Variants in COL25A1 observed in about 807,000 individuals in gnomAD.
COL25A1 encodes collagen alpha-1(XXV) chain.
COL25A1 carries 103 observed loss-of-function variants against 128.4 expected under a neutral mutation model. That is an observed-to-expected ratio of 0.80 (90% CI 0.68 to 0.94). COL25A1 has a LOEUF of 0.94. Ranked by LOEUF, COL25A1 falls within the 40% of genes least tolerant of loss-of-function variation. COL25A1 has a pLI of 0.00. For synonymous variants in COL25A1, 279 were observed against 277.2 expected (o/e 1.01, Z -0.06); for missense variants, 745 against 840.0 (o/e 0.89, Z 1.40).
intron 35 of COL25A1, among the ~76,000 whole-genome samples, chr4:108,821,700 C>T (rs180891960): frequency 6.6e-6 from 1 of 152,284 alleles, no homozygotes; most frequent in East Asian, 1.9e-4. Flanking sequence ...GAAAGAAACA[C>T]TACAGTATGA....
chr4:109,014,830 A>G (rs1757066280), intron 5 of COL25A1, among the ~76,000 whole-genome samples: 1 of 152,250 alleles, frequency 6.6e-6, no homozygotes, highest in South Asian at 2.1e-4. Context: ...AACAAAGCAT[A>G]CAATGTAACA....
intron 3 of COL25A1, among the ~76,000 whole-genome samples, chr4:109,127,641 T>C (rs556654158): frequency 1.5e-4 from 23 of 152,176 alleles, no homozygotes; most frequent in African/African-American, 5.5e-4. Flanking sequence ...CAAGTTACTT[T>C]CTGAGCTTTA....
intron 19 of COL25A1, among the ~76,000 whole-genome samples, chr4:108,873,813 G>A (rs905561449): frequency 4.6e-5 from 7 of 151,930 alleles, no homozygotes; most frequent in Non-Finnish European, 8.8e-5. Context: ...ACATCAGAAC[G>A]GTGTAAGATA....
At chr4:108,824,088 T>C in intron 35 of COL25A1, 86 bp downstream of exon 35, 1 of 1,613,632 alleles carries the variant, frequency 6.2e-7, no homozygotes, top group Non-Finnish European at 8.5e-7. Context: ...AAAGATTAAG[T>C]GTCAAATGGA....
At chr4:109,200,184 C>A (rs1237104804) in intron 3 of COL25A1, among the ~76,000 whole-genome samples, 1 of 152,192 alleles carries the variant, frequency 6.6e-6, no homozygotes, top group African/African-American at 2.4e-5. Flanking sequence ...AAGTCTTTCT[C>A]CAGCAGCTCC....
At chr4:109,116,293 C>T (rs933957958) in intron 3 of COL25A1, among the ~76,000 whole-genome samples, 4 of 152,042 alleles carry the variant, frequency 2.6e-5, no homozygotes, top group Non-Finnish European at 4.4e-5. Flanking sequence ...GAAATAACAA[C>T]AGCATTTTAT....
At chr4:109,297,862 CTTTTTTTTTTTT>C (rs35099153) in intron 3 of COL25A1, among the ~76,000 whole-genome samples, 2 of 63,856 alleles carry the variant, frequency 3.1e-5, no homozygotes, top group South Asian at 6.6e-4. Flanking sequence ...TTTTCCTTTT[CTTTTTTTTTTTT>C]TTTTTTTTTT....
At chr4:109,254,505 A>ATATATATATATATGTGTGTG (rs1383703429) in intron 3 of COL25A1, among the ~76,000 whole-genome samples, 2 of 104,992 alleles carry the variant, frequency 1.9e-5, no homozygotes, top group African/African-American at 6.9e-5. Context: ...ATATATATAT[A>ATATATATATATATGTGTGTG]TGTATGTGTG....
chr4:109,036,515 C>A (rs375019293), intron 5 of COL25A1, among the ~76,000 whole-genome samples: 5 of 152,094 alleles, frequency 3.3e-5, no homozygotes, highest in African/African-American at 1.2e-4. Flanking sequence ...CTTTAATATG[C>A]AAAGTAGAGG....
chr4:108,891,909 G>C (rs982220121), intron 16 of COL25A1, among the ~76,000 whole-genome samples: 2 of 151,890 alleles, frequency 1.3e-5, no homozygotes, highest in African/African-American at 4.8e-5. Flanking sequence ...TGGATGGAAA[G>C]AAAAAGACAG....
intron 8 of COL25A1, among the ~76,000 whole-genome samples, chr4:108,958,253 T>C (rs1232566326): frequency 6.6e-6 from 1 of 152,112 alleles, no homozygotes; most frequent in Non-Finnish European, 1.5e-5. Context: ...TTGTTCCTCT[T>C]TGGTGCCTCA....
chr4:108,996,827 C>G (rs962407926), intron 6 of COL25A1, among the ~76,000 whole-genome samples: 6 of 152,158 alleles, frequency 3.9e-5, no homozygotes, highest in Admixed American at 2.0e-4. Context: ...GAAACTCACT[C>G]AAAACCACAG....
intron 5 of COL25A1, among the ~76,000 whole-genome samples, chr4:109,012,423 GGGCTGGCCAAGGCCGGAGCT>G (rs1756694893): frequency 1.3e-5 from 2 of 152,190 alleles, no homozygotes; most frequent in Non-Finnish European, 2.9e-5. Flanking sequence ...GCCCCTGTCT[GGGCTGGCCAAGGCCGGAGCT>G]GGCTCCCTCT....
chr4:108,930,191 G>C (rs1746560013), intron 11 of COL25A1, among the ~76,000 whole-genome samples: 1 of 152,094 alleles, frequency 6.6e-6, no homozygotes, highest in Non-Finnish European at 1.5e-5. Flanking sequence ...GTTCCACTCA[G>C]ACACATGGAT....
intron 3 of COL25A1, among the ~76,000 whole-genome samples, chr4:109,249,964 G>T (rs973171620): frequency 6.6e-6 from 1 of 152,076 alleles, no homozygotes; most frequent in East Asian, 1.9e-4. Context: ...AGCACTTAAG[G>T]GCTACACTGA....
intron 11 of COL25A1, among the ~76,000 whole-genome samples, chr4:108,925,728 C>G (rs2125907421): frequency 6.6e-6 from 1 of 152,192 alleles, no homozygotes. Flanking sequence ...ATTTTTCACC[C>G]TTTTGTTCAC....
At chr4:108,990,802 T>C (rs1754157818) in intron 6 of COL25A1, among the ~76,000 whole-genome samples, 1 of 152,188 alleles carries the variant, frequency 6.6e-6, no homozygotes, top group South Asian at 2.1e-4. Flanking sequence ...ACCAGCTATT[T>C]TCATTTTACA....
chr4:109,137,647 G>A (rs1769925859), intron 3 of COL25A1, among the ~76,000 whole-genome samples: 1 of 152,110 alleles, frequency 6.6e-6, no homozygotes, highest in Non-Finnish European at 1.5e-5. Context: ...TTAGATTATA[G>A]AAAACAATAT....
Position 108,889,729 on chromosome 4 carries a change from T to G in COL25A1, c.911A>C (p.Asp304Ala). The G allele has an allele frequency of 6.2e-7, 1 of 1,613,466 alleles. No individual in the cohort carries two copies. Among genetic ancestry groups the G allele is most frequent in the South Asian group, 1.1e-5 (1 of 91,074 alleles). ...GPKGDTGEKG[D>A]PGSSAAGIKG... Reference sequence around the variant, plus strand: ...AATTCCTGCAGCAGATGATCCAGGGTCACCCTAAAACGAAACCCAGGAGAG... The same window carrying G: ...AATTCCTGCAGCAGATGATCCAGGGGCACCCTAAAACGAAACCCAGGAGAG... Residue 304 changes from aspartate (D) to alanine (A), a missense_variant, in exon 17 of 38, where the codon GAC becomes GCC. Transcript: ENST00000399132.
Sources: allele counts gnomAD v4.1 joint callset (sites outside exome capture counted in the v4.1 genomes callset), GRCh38; gene constraint gnomAD v4.1.1; transcripts MANE v1.5; gene names NCBI Gene and HGNC (gene_info 2026-07-23, HGNC 2026-07-21).